Variants in ANKS1B observed in about 807,000 individuals in gnomAD.
The protein encoded by ANKS1B is ankyrin repeat and sterile alpha motif domain-containing protein 1B.
In ANKS1B, 36 loss-of-function variants were observed where a neutral mutation model predicts 148.3. That is an observed-to-expected ratio of 0.24 (90% CI 0.19 to 0.32). The LOEUF (loss-of-function observed/expected upper bound fraction) is 0.32. Among genes scored for constraint, ANKS1B ranks in the 10% least tolerant of loss-of-function variants. ANKS1B has a pLI of 1.00. For synonymous variants in ANKS1B, 542 were observed against 560.8 expected (o/e 0.97, Z 0.47); for missense variants, 1,157 against 1,542.6 (o/e 0.75, Z 4.19).
chr12:99,362,061 T>G (rs118003677), intron 12 of ANKS1B, among the ~76,000 whole-genome samples: 1 of 152,024 alleles, frequency 6.6e-6, no homozygotes, highest in Admixed American at 6.6e-5. Flanking sequence ...AAAATCCTAA[T>G]AATCGACTTC....
At chr12:99,577,626 G>A (rs1438332725) in intron 9 of ANKS1B, among the ~76,000 whole-genome samples, 1 of 151,914 alleles carries the variant, frequency 6.6e-6, no homozygotes, top group African/African-American at 2.4e-5. Flanking sequence ...TAGAAGAAAT[G>A]TATAAATTCC....
chr12:98,769,478 C>T lies in ANKS1B; in HGVS notation c.3579+3564G>A, dbSNP rs112082652. On this transcript the variant is annotated intron_variant, in intron 25 of 26. Transcript: ENST00000683438. ...GTCCTTTGGAGCTGGTATGAGAATC[C>T]TAAGCTAGTAATGTTTACATTAAAT... 3.7e-3 allele frequency among the ~76,000 whole-genome samples: 556 copies of T among 152,092 alleles called. 3 individuals carry two copies. Among genetic ancestry groups the T allele is most frequent in the African/African-American group, 0.013 (536 of 41,492 alleles).
At chr12:99,377,714 A>T (rs2093448641) in intron 12 of ANKS1B, among the ~76,000 whole-genome samples, 1 of 152,210 alleles carries the variant, frequency 6.6e-6, no homozygotes, top group Non-Finnish European at 1.5e-5. Flanking sequence ...GTACCAGTGA[A>T]CCATTTGTTT....
At position 99,400,346 on chromosome 12, in the gene ANKS1B, A is replaced by C. The variant is rs1367161052; in HGVS notation, c.1576-535T>G. On this transcript the variant is annotated intron_variant, in intron 11 of 26. Transcript: ENST00000683438. ...ATCAGAATTAAATAAAGTTATATGGAACATTTTCTAAGATCTAAGAATATG... is the reference window on the plus strand; with the variant it reads ...ATCAGAATTAAATAAAGTTATATGGCACATTTTCTAAGATCTAAGAATATG... 2.1e-5 allele frequency among the ~76,000 whole-genome samples: 3 copies of C among 146,180 alleles called. 1 individual carries two copies. The highest frequency in any genetic ancestry group is 4.5e-5 in the Non-Finnish European group (3 of 66,122).
At chr12:99,436,892 T>G (rs994962519) in intron 11 of ANKS1B, among the ~76,000 whole-genome samples, 2 of 151,938 alleles carry the variant, frequency 1.3e-5, no homozygotes, top group Admixed American at 1.3e-4. Flanking sequence ...TTTCTTTACC[T>G]CTACAGCCTC....
intron 12 of ANKS1B, among the ~76,000 whole-genome samples, chr12:99,376,291 C>A (rs2093388358): frequency 6.6e-6 from 1 of 152,122 alleles, no homozygotes; most frequent in Non-Finnish European, 1.5e-5. Context: ...TAAATTTCAA[C>A]CATCTGGGAA....
chr12:99,399,768 C>A lies in ANKS1B; in HGVS notation c.1619G>T (p.Arg540Leu). The change falls in exon 12 of 27, where the codon CGA becomes CTA. Residue 540 changes from arginine (R) to leucine (L), a missense_variant. Arg to Leu is a moderately radical substitution (Grantham distance 102). Transcript: ENST00000683438. ...TSIVSSLDFH[R>L]MNHNQEYFEI... ...AAAATATTCTTGGTTGTGATTCATT[C>A]GGTGAAAATCCAGAGAAGACACAAT... 6.2e-7 allele frequency: 1 copy of A among 1,613,354 alleles called. No homozygotes were observed. Among genetic ancestry groups the A allele is most frequent in the Non-Finnish European group, 8.5e-7 (1 of 1,179,460 alleles).
chr12:99,606,140 G>A (rs1026868498), intron 9 of ANKS1B, among the ~76,000 whole-genome samples: 5 of 151,940 alleles, frequency 3.3e-5, no homozygotes, highest in South Asian at 2.1e-4. Flanking sequence ...CTTCCTTTGA[G>A]AAATGTCTAT....
chr12:99,772,175 C>T (rs1476782573), intron 8 of ANKS1B, among the ~76,000 whole-genome samples: 1 of 151,986 alleles, frequency 6.6e-6, no homozygotes, highest in Non-Finnish European at 1.5e-5. Context: ...CTTTTGTGTT[C>T]ATATAAAAAT....
chr12:99,901,339 A>T (rs915999567), intron 1 of ANKS1B, among the ~76,000 whole-genome samples: 4 of 152,226 alleles, frequency 2.6e-5, no homozygotes, highest in African/African-American at 9.6e-5. Context: ...GTGCTGCCAG[A>T]CTTCACATTT....
intron 1 of ANKS1B, among the ~76,000 whole-genome samples, chr12:99,859,264 C>A (rs2089674025): frequency 6.6e-6 from 1 of 152,162 alleles, no homozygotes; most frequent in Non-Finnish European, 1.5e-5. Context: ...GTATTCATGG[C>A]ATTGCATGCT....
intron 16 of ANKS1B, among the ~76,000 whole-genome samples, chr12:99,064,740 G>A (rs562122163): frequency 2.9e-4 from 44 of 152,324 alleles, no homozygotes; most frequent in African/African-American, 1.0e-3. Flanking sequence ...TGTGTGGGAT[G>A]CAGATGAAAA....
At chr12:99,781,627 C>T (rs372138761) in intron 5 of ANKS1B, among the ~76,000 whole-genome samples, 2 of 152,206 alleles carry the variant, frequency 1.3e-5, no homozygotes, top group Admixed American at 6.5e-5. Flanking sequence ...CTCTGTTTAC[C>T]GTAGTCCACA....
intron 17 of ANKS1B, among the ~76,000 whole-genome samples, chr12:99,034,577 A>C (rs1351694945): frequency 6.6e-6 from 1 of 152,178 alleles, no homozygotes; most frequent in Non-Finnish European, 1.5e-5. Context: ...TGGCCTCCCA[A>C]AGTGCTGGGA....
At chr12:99,126,507 C>A (rs138021476) in intron 15 of ANKS1B, among the ~76,000 whole-genome samples, 1 of 152,116 alleles carries the variant, frequency 6.6e-6, no homozygotes, top group Non-Finnish European at 1.5e-5. Context: ...CCCCCTCCCC[C>A]CACCTTACCC....
intron 10 of ANKS1B, among the ~76,000 whole-genome samples, chr12:99,484,507 A>C (rs1208745901): frequency 6.6e-6 from 1 of 151,976 alleles, no homozygotes; most frequent in Non-Finnish European, 1.5e-5. Context: ...TGCTAAGTAC[A>C]TTTGTTGTAT....
chr12:99,950,019 A>G (rs2095173690), intron 1 of ANKS1B, among the ~76,000 whole-genome samples: 1 of 151,904 alleles, frequency 6.6e-6, no homozygotes, highest in Admixed American at 6.6e-5. Context: ...GGAGTGCAGT[A>G]GCACGATCAC....
chr12:99,362,116 T>C (rs889395099), intron 12 of ANKS1B, among the ~76,000 whole-genome samples: 1 of 152,062 alleles, frequency 6.6e-6, no homozygotes, highest in Non-Finnish European at 1.5e-5. Flanking sequence ...TTGCACAGCT[T>C]AGTGAAATGA....
At chr12:99,007,985 A>G in intron 17 of ANKS1B, among the ~76,000 whole-genome samples, 1 of 149,522 alleles carries the variant, frequency 6.7e-6, no homozygotes. Context: ...CCCACCCTCT[A>G]TCAGCTCTAA....
Sources: allele counts gnomAD v4.1 joint callset (sites outside exome capture counted in the v4.1 genomes callset), GRCh38; gene constraint gnomAD v4.1.1; transcripts MANE v1.5; gene names NCBI Gene and HGNC (gene_info 2026-07-23, HGNC 2026-07-21).